The following SCAPER variants were observed in gnomAD, a reference collection of about 807,000 sequenced individuals.
SCAPER encodes S phase cyclin A-associated protein in the endoplasmic reticulum.
A neutral mutation model predicts 182.2 loss-of-function variants in SCAPER; 98 were observed. The observed-to-expected ratio is 0.54, with a 90% CI of 0.46 to 0.64. The LOEUF (loss-of-function observed/expected upper bound fraction) is 0.64, where lower values mean the gene tolerates loss of function less well. SCAPER is among the 30% of genes least tolerant of loss of function. SCAPER has a pLI of 0.00. For synonymous variants in SCAPER, 605 were observed against 564.6 expected (o/e 1.07, Z -1.01); for missense variants, 1,432 against 1,690.0 (o/e 0.85, Z 2.68).
rs1296397756 is a variant in SCAPER, at chr15:76,530,964, T to C, written c.2839-25990A>G. 4.6e-5 allele frequency among the ~76,000 whole-genome samples: 7 copies of C among 151,516 alleles called. 1 individual carries two copies. The South Asian group carries it at 1.0e-3, about 22-fold the overall frequency. The stretch of plus-strand genomic sequence containing the variant: ...ATATATGTATATACAGGTATATATG[T>C]GTATATATACGTATATATGAATATA... On this transcript the variant is annotated intron_variant, in intron 23 of 31. Transcript: ENST00000563290.
intron 22 of SCAPER, among the ~76,000 whole-genome samples, chr15:76,619,776 C>G (rs1475979754): frequency 1.3e-5 from 2 of 152,012 alleles, no homozygotes; most frequent in African/African-American, 4.8e-5. Flanking sequence ...TTCACATTTC[C>G]TCTTAAGTTT....
At chr15:76,753,432 A>T (rs985598121) in intron 15 of SCAPER, among the ~76,000 whole-genome samples, 4 of 151,984 alleles carry the variant, frequency 2.6e-5, no homozygotes, top group Non-Finnish European at 5.9e-5. Context: ...ATACTGATAG[A>T]AAGCAGATCA....
At position 76,424,405 on chromosome 15, in the gene SCAPER, C is replaced by T. The variant is rs1025790473; in HGVS notation, c.3311+9673G>A. 5.9e-5 allele frequency among the ~76,000 whole-genome samples: 9 copies of T among 152,194 alleles called. 1 individual carries two copies. The highest frequency in any genetic ancestry group is 8.8e-5 in the Non-Finnish European group (6 of 68,002). ...CTTTGTCTCTTTTGATCTTTGTTGG[C>T]TTAAAGTCTGTTTTATCAGAGACTA... On this transcript the variant is annotated intron_variant, in intron 26 of 31. Coordinates refer to ENST00000563290, the MANE Select transcript of SCAPER (RefSeq NM_020843.4).
At chr15:76,729,289 T>C (rs2404603) in intron 16 of SCAPER, among the ~76,000 whole-genome samples, 6 of 101,798 alleles carry the variant, frequency 5.9e-5, no homozygotes, top group East Asian at 3.9e-4. Flanking sequence ...CACATATATA[T>C]ACACATACAC....
chr15:76,738,385 C>G (rs1168807587), intron 15 of SCAPER, among the ~76,000 whole-genome samples: 4 of 152,140 alleles, frequency 2.6e-5, no homozygotes, highest in Admixed American at 2.0e-4. Flanking sequence ...TAAGCATTAT[C>G]ATTTCCAGCT....
intron 23 of SCAPER, among the ~76,000 whole-genome samples, chr15:76,513,800 T>G (rs945304330): frequency 6.6e-6 from 1 of 152,196 alleles, no homozygotes; most frequent in Non-Finnish European, 1.5e-5. Flanking sequence ...AATTATCTTC[T>G]CCGTTCAAAC....
At position 76,621,796 on chromosome 15, in the gene SCAPER, T is replaced by A; in HGVS notation, c.2679A>T (p.Lys893Asn). Residue 893 changes from lysine to asparagine, a missense_variant, in exon 22 of 32, where the codon AAA (lysine) becomes AAT (asparagine). Physicochemically the swap from Lys to Asn is moderately conservative, Grantham distance 94 (BLOSUM62 0). Transcript: ENST00000563290. ...TATAAGGTGAATCAGAGCCAGAATT[T>A]TTGGTTTCCATTAAACTCTCATATT... is the stretch of plus-strand genomic sequence containing the variant. ...AKEYESLMET[K>N]NSGSDSPYKA... 6.2e-7 allele frequency: 1 copy of A among 1,608,242 alleles called. No individual in the cohort carries two copies. The highest frequency in any genetic ancestry group is 8.5e-7 in the Non-Finnish European group (1 of 1,177,268).
At chr15:76,868,786 C>A (rs747521303) in intron 2 of SCAPER, among the ~76,000 whole-genome samples, 1 of 152,050 alleles carries the variant, frequency 6.6e-6, no homozygotes, top group African/African-American at 2.4e-5. Context: ...AAAAAAAAAT[C>A]CTAAAACTTA....
At chr15:76,833,896 C>A (rs1463998684) in intron 5 of SCAPER, among the ~76,000 whole-genome samples, 1 of 152,134 alleles carries the variant, frequency 6.6e-6, no homozygotes, top group Non-Finnish European at 1.5e-5. Flanking sequence ...ACTTAGATAA[C>A]CACACATAAC....
chr15:76,469,748 C>G (rs190169581), intron 25 of SCAPER, among the ~76,000 whole-genome samples: 10 of 152,206 alleles, frequency 6.6e-5, no homozygotes, highest in Admixed American at 5.9e-4. Flanking sequence ...CAAGTTTCCT[C>G]ATCTGTGAAA....
intron 17 of SCAPER, among the ~76,000 whole-genome samples, chr15:76,717,984 T>A (rs1159991855): frequency 6.6e-6 from 1 of 152,154 alleles, no homozygotes; most frequent in East Asian, 1.9e-4. Context: ...TTTTTTCTAG[T>A]CCACATGGAT....
chr15:76,443,393 C>G (rs970078412), intron 25 of SCAPER, among the ~76,000 whole-genome samples: 2 of 152,156 alleles, frequency 1.3e-5, no homozygotes, highest in Non-Finnish European at 2.9e-5. Flanking sequence ...GAAGCAAGAA[C>G]AAACATCAAA....
At chr15:76,731,650 C>G (rs2060927294) in intron 16 of SCAPER, among the ~76,000 whole-genome samples, 1 of 152,194 alleles carries the variant, frequency 6.6e-6, no homozygotes, top group South Asian at 2.1e-4. Context: ...TAATGTTATA[C>G]ATGTTATCTA....
chr15:76,703,548 C>T (rs1322376697), intron 18 of SCAPER, among the ~76,000 whole-genome samples: 1 of 152,148 alleles, frequency 6.6e-6, no homozygotes, highest in Non-Finnish European at 1.5e-5. Flanking sequence ...AACGCTATTT[C>T]AGACCTTTGT....
chr15:76,777,675 C>A (rs2063827212), intron 8 of SCAPER, among the ~76,000 whole-genome samples: 1 of 152,000 alleles, frequency 6.6e-6, no homozygotes, highest in Admixed American at 6.5e-5. Flanking sequence ...GCCTGGGCAA[C>A]AAGAGCAAAA....
At chr15:76,477,936 ATTTT>A (rs978122569) in intron 24 of SCAPER, among the ~76,000 whole-genome samples, 8 of 145,642 alleles carry the variant, frequency 5.5e-5, no homozygotes, top group Non-Finnish European at 1.2e-4. Context: ...TGCTATCTTA[ATTTT>A]TTTTTTTAGT....
At chr15:76,693,100 G>A (rs7350777) in intron 20 of SCAPER, among the ~76,000 whole-genome samples, 57,696 of 151,816 alleles carry the variant, frequency 0.38, 13,020 homozygotes, top group Middle Eastern at 0.52. Context: ...GTTATTAACA[G>A]CATTACAGTT....
chr15:76,529,886 G>A (rs1273263142), intron 23 of SCAPER, among the ~76,000 whole-genome samples: 1 of 152,166 alleles, frequency 6.6e-6, no homozygotes, highest in African/African-American at 2.4e-5. Context: ...GTCACTGGAG[G>A]GTACTGAGTA....
chr15:76,794,369 A>G (rs1244158002), intron 8 of SCAPER, among the ~76,000 whole-genome samples: 1 of 152,238 alleles, frequency 6.6e-6, no homozygotes, highest in Non-Finnish European at 1.5e-5. Flanking sequence ...CAAGATACAG[A>G]AACTACGTTT....
Sources: gnomAD v4.1 joint callset for allele counts (sites outside exome capture counted in the v4.1 genomes callset) on GRCh38, gnomAD v4.1.1 for gene constraint, MANE v1.5 for transcripts, NCBI Gene and HGNC (gene_info 2026-07-23, HGNC 2026-07-21) for gene names.